The following FOXF2 variants were observed in gnomAD, a reference collection of about 807,000 sequenced individuals.
FOXF2 encodes the protein forkhead box F2, also known as forkhead box protein F2.
FOXF2 carries 15 observed loss-of-function variants against 29.1 expected under a neutral mutation model. The observed-to-expected ratio is 0.52, with a 90% CI of 0.35 to 0.79. FOXF2 has a LOEUF of 0.79. Ranked by LOEUF, FOXF2 falls within the 30% of genes least tolerant of loss-of-function variation. FOXF2 has a pLI of 0.01. For missense variants in FOXF2, 675 were observed against 667.1 expected (o/e 1.01, Z -0.13); for synonymous variants, 337 against 316.5 (o/e 1.06, Z -0.69).
At chr6:1,392,569 C>T (rs1758811676) in intron 1 of FOXF2, among the ~76,000 whole-genome samples, 1 of 152,012 alleles carries the variant, frequency 6.6e-6, no homozygotes, top group Admixed American at 6.6e-5. Context: ...TCTCCTCTCC[C>T]GGCAGATCCA....
chr6:1,390,599 G>T lies in FOXF2; in HGVS notation c.652G>T (p.Ala218Ser), dbSNP rs762858189. ...CGTGGTGAGCGGCTTGGGCTTCGGG[G>T]CGTCGCTGCTGCCCCAGGGCTTCGA... ...HRVVSGLGFG[A>S]SLLPQGFDFQ... The change falls in exon 1 of 2, where the codon GCG (alanine) becomes TCG (serine). Residue 218 changes from alanine to serine, a missense_variant. Ala to Ser is a moderately conservative substitution (Grantham distance 99). Around this residue, in one of 3 missense-constraint regions of FOXF2, gnomAD observed 451 missense variants for 437.2 expected, o/e 1.03. Transcript: ENST00000645481. This position sits in a 1 kb window ranked among gnomAD's most constrained non-coding sequence, Gnocchi z 8.5. 1 of 1,596,218 alleles carries T rather than the reference G, an allele frequency of 6.3e-7. No individual in the cohort carries two copies. Among genetic ancestry groups the T allele is most frequent in the South Asian group, 1.1e-5 (1 of 90,466 alleles).
chr6:1,390,637 C>A lies in FOXF2; in HGVS notation c.690C>A (p.Pro230=). 6.3e-7 allele frequency: 1 copy of A among 1,578,804 alleles called. No homozygotes were observed. The highest frequency in any genetic ancestry group is 2.3e-5 in the East Asian group (1 of 42,984). Residue 230 remains proline (P), a synonymous_variant, in exon 1 of 2, where the codon CCC becomes CCA. Coordinates refer to ENST00000645481, the MANE Select transcript of FOXF2 (RefSeq NM_001452.2). The surrounding 1 kb of genome is among the most constrained non-coding windows in gnomAD (Gnocchi z 8.5). ...CCCAGGGCTTCGACTTCCAGGCGCC[C>A]CCGTCGGCGCCGCTCGGCTGCCACA... The part of the protein sequence containing the change: ...LLPQGFDFQA[P]PSAPLGCHSQ...
Position 1,391,535 on chromosome 6 carries a change from T to C in FOXF2, c.1171+417T>C, listed in dbSNP as rs76927113. On this transcript the variant is annotated intron_variant, in intron 1 of 1. Transcript: ENST00000645481. ...CTTTTTTTCCTTGCGTTCATTTTGC[T>C]GTACTTCTGTCCCGAAGTAAATGTC... Among the ~76,000 whole-genome samples, 20 of 152,320 alleles carry C rather than the reference T, an allele frequency of 1.3e-4. No individual in the cohort carries two copies. The East Asian group carries it at 3.9e-3, about 29-fold the overall frequency.
rs1198876669 is a variant in FOXF2, at chr6:1,390,424, C to T, written c.477C>T (p.Ile159=). ...ATCTCTCGCTCAACGAGTGCTTCATCAAGCTGCCTAAGGGCCTCGGGCGGC... is the reference window on the plus strand; with the variant it reads ...ATCTCTCGCTCAACGAGTGCTTCATTAAGCTGCCTAAGGGCCTCGGGCGGC... ...RHNLSLNECF[I]KLPKGLGRPG... The change falls in exon 1 of 2, where the codon ATC becomes ATT. Residue 159 remains isoleucine, a synonymous_variant. Coordinates refer to ENST00000645481, the MANE Select transcript of FOXF2 (RefSeq NM_001452.2). The surrounding 1 kb of genome is among the most constrained non-coding windows in gnomAD (Gnocchi z 8.5). 5.0e-6 allele frequency: 8 copies of T among 1,611,986 alleles called. 1 individual carries two copies. Among genetic ancestry groups the T allele is most frequent in the South Asian group, 2.2e-5 (2 of 91,082 alleles).
intron 1 of FOXF2, among the ~76,000 whole-genome samples, chr6:1,393,899 C>T (rs1356807700): frequency 6.6e-6 from 1 of 152,188 alleles, no homozygotes; most frequent in African/African-American, 2.4e-5. Flanking sequence ...GGAGGTCAAG[C>T]GGCCCGGTGC....
At position 1,393,028 on chromosome 6, in the gene FOXF2, C is replaced by T. The variant is rs889981935; in HGVS notation, c.1172-1668C>T. ...CGGTGGAGGCTTCGGAGGAGCCGGC[C>T]GGATGCACCGGGACCCCGCGGGGCC... On this transcript the variant is annotated intron_variant, in intron 1 of 1. Transcript: ENST00000645481. Among the ~76,000 whole-genome samples, 6 of 152,202 alleles carry T rather than the reference C, an allele frequency of 3.9e-5. No homozygotes were observed. In the South Asian group the frequency reaches 1.2e-3, roughly 31 times the overall value.
chr6:1,393,310 G>T (rs911293236), intron 1 of FOXF2, among the ~76,000 whole-genome samples: 1 of 151,980 alleles, frequency 6.6e-6, no homozygotes, highest in East Asian at 1.9e-4. Context: ...AGGAGCTCGG[G>T]CTTCTGTCAT....
In FOXF2 at chr6:1,394,797, G is replaced by T; in HGVS notation, c.1273G>T (p.Gly425Trp). ...GISSFHPSAS[G>W]SYYHHHHQSV... ...TTCTTCTTTCCATCCCTCAGCTAGC[G>T]GGTCGTATTATCACCATCACCACCA... The change falls in exon 2 of 2, where the codon GGG becomes TGG. Residue 425 changes from glycine (G) to tryptophan (W), a missense_variant. By Grantham distance (184) the Gly-to-Trp change is radical. Transcript: ENST00000645481. The T allele has an allele frequency of 6.2e-7, 1 of 1,614,010 alleles. No individual in the cohort carries two copies. Among genetic ancestry groups the T allele is most frequent in the Non-Finnish European group, 8.5e-7 (1 of 1,179,974 alleles).
Position 1,391,067 on chromosome 6 carries a change from T to C in FOXF2, c.1120T>C (p.Tyr374His). ...AGGCCTGCACTCCAGCATGTCCTCC[T>C]ACTCGCTGGAGCAGAGCTACTTGCA... ...SAGLHSSMSS[Y>H]SLEQSYLHQN... Residue 374 changes from tyrosine to histidine, a missense_variant, in exon 1 of 2, where the codon TAC (tyrosine) becomes CAC (histidine). By Grantham distance (83) the Tyr-to-His change is moderately conservative (BLOSUM62 2). Coordinates refer to ENST00000645481, the MANE Select transcript of FOXF2 (RefSeq NM_001452.2). 1 of 1,603,412 alleles carries C rather than the reference T, an allele frequency of 6.2e-7. No individual in the cohort carries two copies. Among genetic ancestry groups the C allele is most frequent in the Non-Finnish European group, 8.5e-7 (1 of 1,179,302 alleles).
At chr6:1,392,325 T>C (rs1758804795) in intron 1 of FOXF2, among the ~76,000 whole-genome samples, 1 of 152,106 alleles carries the variant, frequency 6.6e-6, no homozygotes, top group Non-Finnish European at 1.5e-5. Flanking sequence ...TTAGCCTGAC[T>C]TAACCCACTG....
In FOXF2 at chr6:1,391,735, T is replaced by TC. The variant is rs143100902; in HGVS notation, c.1171+625dup. Among the ~76,000 whole-genome samples, 914 of 145,980 alleles carry TC rather than the reference T, an allele frequency of 6.3e-3. 3 individuals carry two copies. The highest frequency in any genetic ancestry group is 0.023 in the East Asian group (106 of 4,666). On this transcript the variant is annotated intron_variant, in intron 1 of 1. Transcript: ENST00000645481. ...TTGGAGACTCCTCCCCTTCCCTGCC[T>TC]CCCCCCCCGCCCAACAATGGACCCA...
Position 1,394,770 on chromosome 6 carries a change from A to T in FOXF2, c.1246A>T (p.Ile416Phe). Residue 416 changes from isoleucine (I) to phenylalanine (F), a missense_variant, in exon 2 of 2, where the codon ATT (isoleucine) becomes TTT (phenylalanine). Around this residue, in one of 3 missense-constraint regions of FOXF2, gnomAD observed 451 missense variants for 437.2 expected, o/e 1.03. Transcript: ENST00000645481. The stretch of plus-strand genomic sequence containing the variant: ...AGATTTCGTCCTCAACTTCAATGGG[A>T]TTTCTTCTTTCCATCCCTCAGCTAG... ...RKDFVLNFNGISSFHPSASGS... is the reference protein window; with the variant it reads ...RKDFVLNFNGFSSFHPSASGS... 6.2e-7 allele frequency: 1 copy of T among 1,613,848 alleles called. No individual in the cohort carries two copies. Among genetic ancestry groups the T allele is most frequent in the Non-Finnish European group, 8.5e-7 (1 of 1,179,948 alleles).
In FOXF2 at chr6:1,389,878, C is replaced by A. The variant is rs1381501353; in HGVS notation, c.-70C>A. 4 of 516,086 alleles carry A rather than the reference C, an allele frequency of 7.8e-6. No homozygotes were observed. The African/African-American group carries it at 8.4e-5, about 11-fold the overall frequency. The allele number at this position is 516,086 out of a possible 1,614,324, so 32.0% of individuals were successfully genotyped here. ...GGCGCTCGCAGGGCTTCTGGGCCGA[C>A]CCCGCTCCGGCGCCTCCGCTTCCCG... On this transcript the variant is annotated 5_prime_UTR_variant, in exon 1 of 2. Transcript: ENST00000645481.
Position 1,390,874 on chromosome 6 carries a change from G to A in FOXF2, c.927G>A (p.Gly309=), listed in dbSNP as rs1363118362. 6 of 1,521,156 alleles carry A rather than the reference G, an allele frequency of 3.9e-6. No homozygotes were observed. The East Asian group carries it at 1.3e-4, about 33-fold the overall frequency. The allele number at this position is 1,521,156 out of a possible 1,614,324, so 94.2% of individuals were successfully genotyped here. A position where few individuals can be genotyped will look rare whatever the true frequency, so the allele number is the denominator to read the frequency against. The change falls in exon 1 of 2, where the codon GGG becomes GGA. Residue 309 remains glycine, a synonymous_variant. Coordinates refer to ENST00000645481, the MANE Select transcript of FOXF2 (RefSeq NM_001452.2). This position sits in a 1 kb window ranked among gnomAD's most constrained non-coding sequence, Gnocchi z 8.5. The stretch of plus-strand genomic sequence containing the variant: ...GGGGCGGCGGCGGCGGCGACTACGG[G>A]CCGGACAGCAGCAGCAGCCCGGTAC... ...AAGGGGGGDY[G]PDSSSSPVPS... is the part of the protein sequence containing the mutation.
Position 1,390,127 on chromosome 6 carries a change from GTCC to G in FOXF2, c.187_189del (p.Ser63del). The G allele has an allele frequency of 6.9e-6, 10 of 1,446,386 alleles. No homozygotes were observed. Among genetic ancestry groups the G allele is most frequent in the Non-Finnish European group, 8.3e-6 (9 of 1,085,524 alleles). The allele number at this position is 1,446,386 out of a possible 1,614,324, so 89.6% of individuals were successfully genotyped here. On this transcript the variant is annotated inframe_deletion, in exon 1 of 2. Transcript: ENST00000645481. This position sits in a 1 kb window ranked among gnomAD's most constrained non-coding sequence, Gnocchi z 8.5. Reference sequence around the variant, plus strand: ...CCTCCGCCTCCTGCGCCTCGTCCTCGTCCTCCTCCAATTCGGCCAGCGCCCCCT... The same window carrying G: ...CCTCCGCCTCCTGCGCCTCGTCCTCGTCCTCCAATTCGGCCAGCGCCCCCT...
rs57146251 is a variant in FOXF2 at position 1,392,476 on chromosome 6, A to ACACACACACACC, written c.1171+1359_1171+1360insACACACACACCC. On this transcript the variant is annotated intron_variant, in intron 1 of 1. Coordinates refer to ENST00000645481, the MANE Select transcript of FOXF2 (RefSeq NM_001452.2). ...CACACACACACACACACACACACAC[A>ACACACACACACC]CCCCTCGGTGCACTGGCCCCTTCCC... 3.6e-5 allele frequency among the ~76,000 whole-genome samples: 5 copies of ACACACACACACC among 139,978 alleles called. No individual in the cohort carries two copies. The East Asian group carries it at 6.5e-4, about 18-fold the overall frequency. The allele number at this position is 139,978 out of a possible 152,430, so 91.8% of individuals were successfully genotyped here.
At position 1,394,899 on chromosome 6, in the gene FOXF2, C is replaced by G; in HGVS notation, c.*40C>G. On this transcript the variant is annotated 3_prime_UTR_variant, in exon 2 of 2. Coordinates refer to ENST00000645481, the MANE Select transcript of FOXF2 (RefSeq NM_001452.2). ...AGCGATGGCCGCTCTCTCCTCTCCC[C>G]TCCTCAGAGGGGGCAGATAGAAACT... 1 of 1,607,104 alleles carries G rather than the reference C, an allele frequency of 6.2e-7. No individual in the cohort carries two copies. The highest frequency in any genetic ancestry group is 8.5e-7 in the Non-Finnish European group (1 of 1,173,788).
chr6:1,392,434 TCACACA>T (rs71738664), intron 1 of FOXF2, among the ~76,000 whole-genome samples: 208 of 107,762 alleles, frequency 1.9e-3, no homozygotes, highest in African/African-American at 3.8e-3. Flanking sequence ...CGGCTGTCAA[TCACACA>T]CACACACACA....
rs2113367184 is a variant in FOXF2, at chr6:1,390,077, A to G, written c.130A>G (p.Thr44Ala). ...CGCCGCCGCCGCCGCCGCCCCGGAGACCACCTCCTCCTCCTCGTCGTCGTC... is the reference window on the plus strand; with the variant it reads ...CGCCGCCGCCGCCGCCGCCCCGGAGGCCACCTCCTCCTCCTCGTCGTCGTC... ...AAAAAAAAPE[T>A]TSSSSSSSSA... The change falls in exon 1 of 2, where the codon ACC (threonine) becomes GCC (alanine). Residue 44 changes from threonine (T) to alanine (A), a missense_variant. By Grantham distance (58) the Thr-to-Ala change is moderately conservative. Coordinates refer to ENST00000645481, the MANE Select transcript of FOXF2 (RefSeq NM_001452.2). This position sits in a 1 kb window ranked among gnomAD's most constrained non-coding sequence, Gnocchi z 8.5. 7.1e-7 allele frequency: 1 copy of G among 1,401,694 alleles called. No individual in the cohort carries two copies. The highest frequency in any genetic ancestry group is 9.4e-7 in the Non-Finnish European group (1 of 1,067,792). The allele number at this position is 1,401,694 out of a possible 1,614,324, so 86.8% of individuals were successfully genotyped here. A position where few individuals can be genotyped will look rare whatever the true frequency, so the allele number is the denominator to read the frequency against.
Sources: gnomAD v4.1 joint callset for allele counts (sites outside exome capture counted in the v4.1 genomes callset) on GRCh38, gnomAD v4.1.1 for gene constraint, gnomAD v4.1.1 regional missense constraint, Gnocchi (gnomAD v3.1) non-coding constraint, MANE v1.5 for transcripts, NCBI Gene and HGNC (gene_info 2026-07-23, HGNC 2026-07-21) for gene names.